RCAN2: variants seen among roughly 807,000 people sequenced by gnomAD.
RCAN2 encodes regulator of calcineurin 2, also known as calcipressin-2.
Under a neutral mutation model 23.6 loss-of-function variants are expected in RCAN2, and 9 were observed. The observed-to-expected ratio is 0.38, with a 90% CI of 0.23 to 0.67. The LOEUF (loss-of-function observed/expected upper bound fraction) is 0.67, where lower values mean the gene tolerates loss of function less well. RCAN2 is among the 30% of genes least tolerant of loss of function. The pLI, the probability that RCAN2 is intolerant of heterozygous loss-of-function variation, is 0.51. For synonymous variants in RCAN2, 109 were observed against 115.7 expected (o/e 0.94, Z 0.37); for missense variants, 273 against 302.3 (o/e 0.90, Z 0.72).
At chr6:46,325,937 G>C in intron 2 of RCAN2, 1 of 966,334 alleles carries the variant, frequency 1.0e-6, no homozygotes, top group South Asian at 4.8e-5. Context: ...CTTTGAGGTG[G>C]GGGAGGTGTA....
chr6:46,221,951 G>A lies in RCAN2; in HGVS notation c.*1190C>T. On this transcript the variant is annotated 3_prime_UTR_variant, in exon 5 of 5. Transcript: ENST00000371374. ...GAGCACACGGGTGTCGCGTGAGTAG[G>A]ACCGGCATACATGTAGCTATCATCC... The A allele has an allele frequency of 2.5e-6, 1 of 398,522 alleles. No homozygotes were observed. Among genetic ancestry groups the A allele is most frequent in the Non-Finnish European group, 4.4e-6 (1 of 226,010 alleles). 24.7% of individuals were successfully genotyped at this position (398,522 alleles called of 1,614,324 possible).
intron 2 of RCAN2, among the ~76,000 whole-genome samples, chr6:46,260,855 T>C (rs933485441): frequency 6.6e-6 from 1 of 152,216 alleles, no homozygotes; most frequent in Non-Finnish European, 1.5e-5. Flanking sequence ...GGACCAGGCA[T>C]ACTAAAGACT....
At chr6:46,429,621 C>T (rs183206223) in intron 2 of RCAN2, among the ~76,000 whole-genome samples, 123 of 152,214 alleles carry the variant, frequency 8.1e-4, no homozygotes, top group Non-Finnish European at 3.4e-4. Flanking sequence ...GTATTGTATT[C>T]ATTTTTTTTC....
At chr6:46,286,519 G>A (rs1762378212) in intron 2 of RCAN2, among the ~76,000 whole-genome samples, 1 of 152,292 alleles carries the variant, frequency 6.6e-6, no homozygotes, top group Admixed American at 6.5e-5. Context: ...AGAAATATAT[G>A]AGAAAGGAGA....
At chr6:46,239,716 G>T (rs1766235678) in intron 4 of RCAN2, among the ~76,000 whole-genome samples, 1 of 152,170 alleles carries the variant, frequency 6.6e-6, no homozygotes, top group African/African-American at 2.4e-5. Context: ...GCAAGGGAAA[G>T]AAAGAAGACA....
chr6:46,278,670 C>G (rs1404150836), intron 2 of RCAN2, among the ~76,000 whole-genome samples: 3 of 152,144 alleles, frequency 2.0e-5, no homozygotes, highest in Non-Finnish European at 2.9e-5. Flanking sequence ...TCTCTTTAGT[C>G]TCGTTTCATC....
chr6:46,395,190 C>T (rs914458395), intron 2 of RCAN2, among the ~76,000 whole-genome samples: 12 of 152,134 alleles, frequency 7.9e-5, no homozygotes, highest in Non-Finnish European at 1.6e-4. Context: ...GGGTGCAACT[C>T]AGGCAAGAGA....
At chr6:46,401,287 A>G (rs1015735744) in intron 2 of RCAN2, among the ~76,000 whole-genome samples, 2 of 152,186 alleles carry the variant, frequency 1.3e-5, no homozygotes, top group Non-Finnish European at 1.5e-5. Context: ...GCAGGGACCA[A>G]TCCACAGAAC....
chr6:46,474,885 T>C (rs1768670324), intron 1 of RCAN2, among the ~76,000 whole-genome samples: 1 of 152,210 alleles, frequency 6.6e-6, no homozygotes, highest in African/African-American at 2.4e-5. Context: ...TGCCCTACTG[T>C]ACTCCAAGGG....
intron 2 of RCAN2, among the ~76,000 whole-genome samples, chr6:46,375,721 C>T (rs910943431): frequency 6.6e-6 from 1 of 152,192 alleles, no homozygotes; most frequent in Non-Finnish European, 1.5e-5. Context: ...TCGAACGATT[C>T]AACTTTGTCA....
chr6:46,373,138 A>G (rs1464646958), intron 2 of RCAN2, among the ~76,000 whole-genome samples: 1 of 152,202 alleles, frequency 6.6e-6, no homozygotes, highest in African/African-American at 2.4e-5. Flanking sequence ...GGTTTCTAAG[A>G]AATTACTGTT....
chr6:46,338,504 C>T (rs1764209601), intron 2 of RCAN2, among the ~76,000 whole-genome samples: 1 of 152,122 alleles, frequency 6.6e-6, no homozygotes, highest in African/African-American at 2.4e-5. Flanking sequence ...ATGTAACAAC[C>T]CCACCATAGG....
intron 2 of RCAN2, among the ~76,000 whole-genome samples, chr6:46,377,014 T>C (rs1765493659): frequency 6.6e-6 from 1 of 152,134 alleles, no homozygotes; most frequent in South Asian, 2.1e-4. Context: ...AGGCTTTATC[T>C]CAGAATAAGT....
intron 1 of RCAN2, among the ~76,000 whole-genome samples, chr6:46,486,530 A>T (rs573365371): frequency 6.6e-6 from 1 of 152,314 alleles, no homozygotes; most frequent in East Asian, 1.9e-4. Context: ...CAGAGAAATT[A>T]TAATATTTTG....
At chr6:46,281,950 C>T (rs1354003869) in intron 2 of RCAN2, among the ~76,000 whole-genome samples, 1 of 152,158 alleles carries the variant, frequency 6.6e-6, no homozygotes, top group Non-Finnish European at 1.5e-5. Flanking sequence ...GCAAATCTGC[C>T]TCCCATTATC....
intron 2 of RCAN2, among the ~76,000 whole-genome samples, chr6:46,270,853 C>T (rs1219801982): frequency 6.6e-6 from 1 of 152,140 alleles, no homozygotes; most frequent in East Asian, 1.9e-4. Context: ...CATCCAACAG[C>T]CTGTGAGGAG....
intron 4 of RCAN2, among the ~76,000 whole-genome samples, chr6:46,243,199 A>T (rs1766368657): frequency 2.0e-5 from 3 of 152,062 alleles, no homozygotes; most frequent in Admixed American, 2.0e-4. Context: ...CTTTAATTTA[A>T]CGTCTGATAT....
chr6:46,458,756 TG>T (rs1768121791), intron 1 of RCAN2, among the ~76,000 whole-genome samples: 1 of 152,238 alleles, frequency 6.6e-6, no homozygotes, highest in South Asian at 2.1e-4. Context: ...TTTATACTGT[TG>T]CTTGAATATT....
chr6:46,402,966 A>AT lies in RCAN2; in HGVS notation c.225+53785dup, dbSNP rs58163048. Among the ~76,000 whole-genome samples, 831 of 143,344 alleles carry AT rather than the reference A, an allele frequency of 5.8e-3. 4 individuals carry two copies. The highest frequency in any genetic ancestry group is 0.015 in the South Asian group (67 of 4,432). 94.0% of individuals were successfully genotyped at this position (143,344 alleles called of 152,430 possible). On this transcript the variant is annotated intron_variant, in intron 2 of 4. Transcript: ENST00000371374. ...TACTAGGTTGCTATGCTACATTTGA[A>AT]TTTTTTTTTTTTTTTTGAGACGGAG... is the stretch of plus-strand genomic sequence containing the variant.
Sources: allele counts gnomAD v4.1 joint callset (sites outside exome capture counted in the v4.1 genomes callset), GRCh38; gene constraint gnomAD v4.1.1; transcripts MANE v1.5; gene names NCBI Gene and HGNC (gene_info 2026-07-23, HGNC 2026-07-21).